PUM3: variants seen among roughly 807,000 people sequenced by gnomAD.
PUM3 encodes the protein pumilio RNA binding family member 3.
A neutral mutation model predicts 84.0 loss-of-function variants in PUM3; 91 were observed. That is an observed-to-expected ratio of 1.08 (90% CI 0.91 to 1.29). PUM3 has a LOEUF of 1.29. PUM3 is among the 50% of genes most tolerant of loss of function. The pLI is 0.00. For missense variants in PUM3, 1,067 were observed against 767.5 expected (o/e 1.39, Z -4.61); for synonymous variants, 321 against 266.7 (o/e 1.20, Z -1.98).
At chr9:2,821,811 T>C (rs1815647671) in intron 12 of PUM3, among the ~76,000 whole-genome samples, 1 of 152,178 alleles carries the variant, frequency 6.6e-6, no homozygotes, top group Non-Finnish European at 1.5e-5. Flanking sequence ...CATATGAATA[T>C]ATTCACTGGG....
At chr9:2,810,280 G>T in intron 16 of PUM3, 64 bp downstream of exon 16, 2 of 1,075,584 alleles carry the variant, frequency 1.9e-6, no homozygotes, top group Non-Finnish European at 1.4e-6. Flanking sequence ...ATAAAGTTCA[G>T]GGATGCCAGG....
Position 2,834,116 on chromosome 9 carries a change from C to G in PUM3, c.355G>C (p.Glu119Gln). 6.2e-7 allele frequency: 1 copy of G among 1,613,566 alleles called. No individual in the cohort carries two copies. The highest frequency in any genetic ancestry group is 8.5e-7 in the Non-Finnish European group (1 of 1,179,688). The change falls in exon 4 of 18, where the codon GAA becomes CAA. Residue 119 changes from glutamate to glutamine, a missense_variant. Physicochemically the swap from Glu to Gln is conservative, Grantham distance 29. Transcript: ENST00000397885. ...KWDDFKKKKK[E>Q]LKQSRQLSDK... ...CTGAGTTGTCTGCTTTGCTTCAGTT[C>G]TTTCTTCTTCTTTTTGAAGTCATCC...
intron 5 of PUM3, 34 bp from the exon 6 acceptor site, chr9:2,831,378 T>C: frequency 7.8e-7 from 1 of 1,288,804 alleles, no homozygotes. Flanking sequence ...ACTAATTCTC[T>C]TTTGAGACTT....
chr9:2,819,233 T>C (rs1307310353), intron 13 of PUM3, among the ~76,000 whole-genome samples: 1 of 152,188 alleles, frequency 6.6e-6, no homozygotes, highest in Non-Finnish European at 1.5e-5. Flanking sequence ...AAGACAATTG[T>C]AGAATCAGAA....
intron 13 of PUM3, among the ~76,000 whole-genome samples, chr9:2,813,906 A>G (rs1000726384): frequency 2.6e-5 from 4 of 152,194 alleles, no homozygotes; most frequent in African/African-American, 9.7e-5. Context: ...CTGCACACTG[A>G]TCATCTAACG....
chr9:2,841,106 T>C (rs951486030), intron 1 of PUM3, among the ~76,000 whole-genome samples: 2 of 152,224 alleles, frequency 1.3e-5, no homozygotes, highest in Non-Finnish European at 2.9e-5. Flanking sequence ...CATTTGTAAC[T>C]TCCTTCTCTG....
At position 2,829,874 on chromosome 9, in the gene PUM3, G is replaced by A. The variant is rs139556218; in HGVS notation, c.752C>T (p.Ala251Val). 19 of 1,613,938 alleles carry A rather than the reference G, an allele frequency of 1.2e-5. No individual in the cohort carries two copies. Among genetic ancestry groups the A allele is most frequent in the Non-Finnish European group, 1.6e-5 (19 of 1,179,918 alleles). The change falls in exon 8 of 18, where the codon GCA (alanine) becomes GTA (valine). Residue 251 changes from alanine to valine, a missense_variant. Coordinates refer to ENST00000397885, the MANE Select transcript of PUM3 (RefSeq NM_014878.5). Reference sequence around the variant, plus strand: ...GTATGCGTACTCCACGATGGCTGATGCTTCCGCATGCCGCAGCATCTTCCT... The same window carrying A: ...GTATGCGTACTCCACGATGGCTGATACTTCCGCATGCCGCAGCATCTTCCT... ...HVRKMLRHAE[A>V]SAIVEYAYND...
rs532627936 is a variant in PUM3 at position 2,810,486 on chromosome 9, C to T, written c.1636-55G>A. On this transcript the variant is annotated intron_variant, in intron 15 of 17. Coordinates refer to ENST00000397885, the MANE Select transcript of PUM3 (RefSeq NM_014878.5). Reference sequence around the variant, plus strand: ...AAAGTTGTTTTCATTCATACAAATACATTTGAATGAATACATACTATTTAT... The same window carrying T: ...AAAGTTGTTTTCATTCATACAAATATATTTGAATGAATACATACTATTTAT... The T allele has an allele frequency of 3.4e-5, 40 of 1,187,196 alleles. 1 individual carries two copies. Among genetic ancestry groups the T allele is most frequent in the South Asian group, 2.6e-4 (20 of 76,834 alleles). 73.5% of individuals were successfully genotyped at this position (1,187,196 alleles called of 1,614,324 possible).
At chr9:2,814,214 ATT>A (rs372676174) in intron 13 of PUM3, among the ~76,000 whole-genome samples, 1 of 118,958 alleles carries the variant, frequency 8.4e-6, no homozygotes, top group African/African-American at 4.5e-5. Flanking sequence ...AACTCCAACT[ATT>A]TTTTTTTTTT....
intron 3 of PUM3, among the ~76,000 whole-genome samples, chr9:2,835,511 G>C (rs1586728305): frequency 6.6e-6 from 1 of 151,986 alleles, no homozygotes; most frequent in Non-Finnish European, 1.5e-5. Flanking sequence ...ATTTTTAATG[G>C]CTATCCAATA....
intron 17 of PUM3, among the ~76,000 whole-genome samples, chr9:2,805,046 C>T (rs1375105629): frequency 6.6e-6 from 1 of 152,170 alleles, no homozygotes; most frequent in East Asian, 1.9e-4. Context: ...CTCTACCACT[C>T]AGTAACTGTA....
At chr9:2,824,364 G>T (rs529365826) in intron 11 of PUM3, among the ~76,000 whole-genome samples, 1 of 152,254 alleles carries the variant, frequency 6.6e-6, no homozygotes, top group African/African-American at 2.4e-5. Flanking sequence ...GTGGCCAGCT[G>T]TTTGTTATCT....
At chr9:2,824,663 TA>T (rs746415604) in intron 11 of PUM3, 53 bp downstream of exon 11, 70 of 1,181,858 alleles carry the variant, frequency 5.9e-5, no homozygotes, top group Non-Finnish European at 7.5e-5. Flanking sequence ...AGCCTGCAGA[TA>T]AAGCATGGCC....
At chr9:2,821,472 G>GAGTCAGA (rs1815625325) in intron 12 of PUM3, among the ~76,000 whole-genome samples, 2 of 107,840 alleles carry the variant, frequency 1.9e-5, no homozygotes, top group South Asian at 6.9e-4. Flanking sequence ...AGAACATGAA[G>GAGTCAGA]AGTCAGATCA....
At chr9:2,816,263 C>T (rs1821467372) in intron 13 of PUM3, among the ~76,000 whole-genome samples, 1 of 152,072 alleles carries the variant, frequency 6.6e-6, no homozygotes, top group African/African-American at 2.4e-5. Flanking sequence ...TAATGGATAA[C>T]AGAAATATAG....
At chr9:2,810,593 T>G (rs1821346616) in intron 15 of PUM3, among the ~76,000 whole-genome samples, 162 bp from the exon 16 acceptor site, 1 of 152,226 alleles carries the variant, frequency 6.6e-6, no homozygotes, top group Non-Finnish European at 1.5e-5. Context: ...ACCATCATAC[T>G]TGGGGGGACC....
intron 16 of PUM3, among the ~76,000 whole-genome samples, chr9:2,810,100 G>T (rs1267487637): frequency 2.0e-4 from 30 of 150,696 alleles, no homozygotes; most frequent in African/African-American, 7.3e-4. Context: ...GAGTGAGGGG[G>T]CGGTGGGGGG....
chr9:2,821,805 T>A (rs181284065), intron 12 of PUM3, among the ~76,000 whole-genome samples: 1 of 152,142 alleles, frequency 6.6e-6, no homozygotes, highest in Non-Finnish European at 1.5e-5. Flanking sequence ...GACTTACATA[T>A]GAATATATTC....
In PUM3 at chr9:2,823,844, G is replaced by C. The variant is rs1179598458; in HGVS notation, c.1135-10C>G. 2 of 1,491,290 alleles carry C rather than the reference G, an allele frequency of 1.3e-6. No individual in the cohort carries two copies. The highest frequency in any genetic ancestry group is 3.8e-5 in the Admixed American group (2 of 52,622). 92.4% of individuals were successfully genotyped at this position (1,491,290 alleles called of 1,614,324 possible). A position where few individuals can be genotyped will look rare whatever the true frequency, so the allele number is the denominator to read the frequency against. On this transcript the variant is annotated splice_polypyrimidine_tract_variant and intron_variant, in intron 11 of 17. Coordinates refer to ENST00000397885, the MANE Select transcript of PUM3 (RefSeq NM_014878.5). ...CAATCACTTTCCTGTCCTTAAAAAG[G>C]AAAGATTGTCTCACTGAATTTTCAG...
Sources: gnomAD v4.1 joint callset for allele counts (sites outside exome capture counted in the v4.1 genomes callset) on GRCh38, gnomAD v4.1.1 for gene constraint, MANE v1.5 for transcripts, NCBI Gene and HGNC (gene_info 2026-07-23, HGNC 2026-07-21) for gene names.